The following RASGRF2 variants were observed in gnomAD, a reference collection of about 807,000 sequenced individuals.
RASGRF2 encodes the protein ras-specific guanine nucleotide-releasing factor 2.
Under a neutral mutation model 151.0 loss-of-function variants are expected in RASGRF2, and 76 were observed. That is an observed-to-expected ratio of 0.50 (90% CI 0.42 to 0.61). RASGRF2 has a LOEUF of 0.61. Ranked by LOEUF, RASGRF2 falls within the 20% of genes least tolerant of loss-of-function variation. The probability of loss-of-function intolerance (pLI) is 0.00; values close to 1 mark genes in which losing one functional copy is unlikely to be tolerated. For missense variants in RASGRF2, 1,148 were observed against 1,564.6 expected (o/e 0.73, Z 4.49); for synonymous variants, 504 against 566.5 (o/e 0.89, Z 1.57).
At chr5:81,044,842 AT>A (rs374052606) in intron 2 of RASGRF2, among the ~76,000 whole-genome samples, 23 of 148,572 alleles carry the variant, frequency 1.5e-4, no homozygotes, top group East Asian at 1.2e-3. Flanking sequence ...TTCTTGTTCT[AT>A]TTTTTTTTTC....
At chr5:81,000,854 G>A (rs1458286545) in intron 1 of RASGRF2, among the ~76,000 whole-genome samples, 2 of 152,360 alleles carry the variant, frequency 1.3e-5, no homozygotes, top group Admixed American at 6.5e-5. Context: ...ACAGAACAAC[G>A]TGCGTAACTG....
intron 17 of RASGRF2, among the ~76,000 whole-genome samples, chr5:81,142,699 T>A (rs909197223): frequency 6.6e-6 from 1 of 152,220 alleles, no homozygotes; most frequent in Non-Finnish European, 1.5e-5. Flanking sequence ...GCTATGTGCT[T>A]TGCAGCACCC....
At chr5:80,982,580 C>CTATTATCATTATTATTATTATTAT (rs1748336987) in intron 1 of RASGRF2, among the ~76,000 whole-genome samples, 1 of 135,170 alleles carries the variant, frequency 7.4e-6, no homozygotes. Context: ...AAATTTGGTT[C>CTATTATCATTATTATTATTATTAT]TATTATTATT....
chr5:81,011,893 A>G (rs943000372), intron 1 of RASGRF2, among the ~76,000 whole-genome samples: 2 of 152,306 alleles, frequency 1.3e-5, no homozygotes, highest in South Asian at 2.1e-4. Context: ...GACATTATAT[A>G]TATTTCTTTT....
At chr5:81,225,566 T>A in intron 26 of RASGRF2, 112 bp from the exon 27 acceptor site, 2 of 1,408,568 alleles carry the variant, frequency 1.4e-6, no homozygotes, top group Non-Finnish European at 9.3e-7. Context: ...TTTGGTCAAA[T>A]AAGATTTTTA....
chr5:81,031,902 G>T (rs2112363837), intron 1 of RASGRF2, among the ~76,000 whole-genome samples: 1 of 152,126 alleles, frequency 6.6e-6, no homozygotes, highest in East Asian at 1.9e-4. Context: ...TAGACCGCTA[G>T]CAAGACTAAT....
chr5:81,141,781 G>A (rs1383556856), intron 17 of RASGRF2, among the ~76,000 whole-genome samples: 1 of 152,110 alleles, frequency 6.6e-6, no homozygotes, highest in Non-Finnish European at 1.5e-5. Flanking sequence ...TCTGTGGATG[G>A]GTTCTTAGTT....
At chr5:81,091,803 C>G (rs1228103014) in intron 9 of RASGRF2, among the ~76,000 whole-genome samples, 1 of 152,108 alleles carries the variant, frequency 6.6e-6, no homozygotes, top group Non-Finnish European at 1.5e-5. Flanking sequence ...TCTACAATCT[C>G]ATCTCTTAGT....
intron 1 of RASGRF2, among the ~76,000 whole-genome samples, chr5:81,025,942 C>T (rs1329342506): frequency 6.6e-6 from 1 of 151,928 alleles, no homozygotes; most frequent in Non-Finnish European, 1.5e-5. Context: ...AACTCCCTCC[C>T]TCCCCACACG....
chr5:81,066,000 CTCTTTT>C (rs1201400981), intron 2 of RASGRF2, among the ~76,000 whole-genome samples: 2 of 152,250 alleles, frequency 1.3e-5, no homozygotes, highest in African/African-American at 2.4e-5. Flanking sequence ...ACCTGCCTTT[CTCTTTT>C]TCTTTTTCTT....
At chr5:81,215,840 A>G (rs372127052) in intron 23 of RASGRF2, 36 bp from the exon 24 acceptor site, 6 of 1,490,498 alleles carry the variant, frequency 4.0e-6, no homozygotes, top group Non-Finnish European at 5.3e-6. Context: ...AAACCATAGT[A>G]TTTTCATCAC....
chr5:81,114,641 CCCTGCT>C (rs1753100805), intron 15 of RASGRF2, among the ~76,000 whole-genome samples: 1 of 152,230 alleles, frequency 6.6e-6, no homozygotes, highest in South Asian at 2.1e-4. Flanking sequence ...CCTCTCCAGC[CCCTGCT>C]CCTGCCACGC....
intron 1 of RASGRF2, chr5:80,997,818 A>G (rs1561545508): frequency 6.6e-6 from 1 of 151,102 alleles, no homozygotes; most frequent in Non-Finnish European, 1.5e-5. Flanking sequence ...ACATACAAAA[A>G]ATTAGCCGGG....
chr5:81,087,524 TGCTTTGGGG>T, intron 9 of RASGRF2: 1 of 595,294 alleles, frequency 1.7e-6, no homozygotes, highest in Non-Finnish European at 3.0e-6. Context: ...TTGCGAAGTG[TGCTTTGGGG>T]GCATCACTCG....
At position 81,073,195 on chromosome 5, in the gene RASGRF2, G is replaced by T. The variant is rs1179695201; in HGVS notation, c.634-4G>T. 6.2e-7 allele frequency: 1 copy of T among 1,606,830 alleles called. No individual in the cohort carries two copies. The highest frequency in any genetic ancestry group is 8.5e-7 in the Non-Finnish European group (1 of 1,175,404). ...AGATTCCTTTCTGATTTTTTGTTCTGTAGGTTCAGAGCTTCATGCGAGGAT... is the reference window on the plus strand; with the variant it reads ...AGATTCCTTTCTGATTTTTTGTTCTTTAGGTTCAGAGCTTCATGCGAGGAT... On this transcript the variant is annotated splice_polypyrimidine_tract_variant and splice_region_variant and intron_variant, in intron 4 of 26. Coordinates refer to ENST00000265080, the MANE Select transcript of RASGRF2 (RefSeq NM_006909.3).
intron 1 of RASGRF2, among the ~76,000 whole-genome samples, chr5:81,009,990 C>T (rs533937855): frequency 6.6e-6 from 1 of 152,024 alleles, no homozygotes; most frequent in East Asian, 1.9e-4. Flanking sequence ...AACCTCGTTT[C>T]TATGAAAATG....
intron 22 of RASGRF2, among the ~76,000 whole-genome samples, chr5:81,210,650 A>G (rs1755610270): frequency 6.6e-6 from 1 of 152,090 alleles, no homozygotes; most frequent in South Asian, 2.1e-4. Flanking sequence ...AGGTCAATCT[A>G]ATTATCTACC....
intron 17 of RASGRF2, among the ~76,000 whole-genome samples, chr5:81,134,277 G>C (rs946590551): frequency 6.6e-6 from 1 of 152,102 alleles, no homozygotes; most frequent in Non-Finnish European, 1.5e-5. Flanking sequence ...AGGCAATTTA[G>C]GAAGTATGTC....
intron 17 of RASGRF2, among the ~76,000 whole-genome samples, chr5:81,140,411 A>AACACAC (rs138439687): frequency 1.7e-3 from 252 of 148,522 alleles, no homozygotes; most frequent in African/African-American, 5.5e-3. Context: ...CCTATTTTTA[A>AACACAC]ACACACACAC....
Sources: gnomAD v4.1 joint callset for allele counts (sites outside exome capture counted in the v4.1 genomes callset) on GRCh38, gnomAD v4.1.1 for gene constraint, MANE v1.5 for transcripts, NCBI Gene and HGNC (gene_info 2026-07-23, HGNC 2026-07-21) for gene names.